Variants in EVI5 observed in about 807,000 individuals in gnomAD.
The protein encoded by EVI5 is ecotropic viral integration site 5, also known as ecotropic viral integration site 5 protein homolog.
In EVI5, 73 loss-of-function variants were observed where a neutral mutation model predicts 112.0. The ratio of observed to expected loss-of-function variants is 0.65; its 90% CI spans 0.54 to 0.79. The LOEUF is 0.79. Among genes scored for constraint, EVI5 ranks in the 30% least tolerant of loss-of-function variants. The pLI is 0.00. For synonymous variants in EVI5, 305 were observed against 319.9 expected, an observed-to-expected ratio of 0.95 and a Z score of 0.50; for missense variants, 900 against 968.8, an observed-to-expected ratio of 0.93 and a Z score of 0.94.
At chr1:92,537,105 C>T (rs1404276564) in intron 19 of EVI5, among the ~76,000 whole-genome samples, 2 of 152,038 alleles carry the variant, frequency 1.3e-5, no homozygotes, top group African/African-American at 2.4e-5. Context: ...TTTTGAAAGA[C>T]AATCAATCCA....
intron 13 of EVI5, among the ~76,000 whole-genome samples, chr1:92,637,263 C>T (rs896012772): frequency 9.2e-5 from 14 of 151,868 alleles, no homozygotes; most frequent in Admixed American, 6.6e-5. Context: ...CTGTAATCCC[C>T]GCTACTAGGG....
At chr1:92,692,240 A>G (rs542215005) in intron 9 of EVI5, among the ~76,000 whole-genome samples, 3 of 152,368 alleles carry the variant, frequency 2.0e-5, no homozygotes, top group East Asian at 3.9e-4. Context: ...GATTGTACAT[A>G]TGACAAGATC....
At chr1:92,757,967 C>T (rs1418626420) in intron 1 of EVI5, among the ~76,000 whole-genome samples, 1 of 145,492 alleles carries the variant, frequency 6.9e-6, no homozygotes, top group Non-Finnish European at 1.5e-5. Flanking sequence ...CTGGTAATAA[C>T]CACAATGTTC....
intron 5 of EVI5, among the ~76,000 whole-genome samples, chr1:92,700,630 T>G (rs1023722796): frequency 1.3e-5 from 2 of 152,146 alleles, no homozygotes; most frequent in African/African-American, 4.8e-5. Flanking sequence ...TCCTAGAGGA[T>G]TCACAGGATC....
intron 18 of EVI5, among the ~76,000 whole-genome samples, chr1:92,586,730 T>C (rs932782632): frequency 2.7e-5 from 4 of 150,786 alleles, no homozygotes; most frequent in African/African-American, 9.7e-5. Context: ...GAATCAGCCA[T>C]TTCTTTTTTT....
At chr1:92,679,437 T>C (rs1294381845) in intron 9 of EVI5, among the ~76,000 whole-genome samples, 2 of 152,200 alleles carry the variant, frequency 1.3e-5, no homozygotes, top group African/African-American at 2.4e-5. Flanking sequence ...CTGAAGTAGT[T>C]ATCATTATGC....
chr1:92,780,494 T>G (rs940453307), intron 1 of EVI5, among the ~76,000 whole-genome samples: 1 of 152,162 alleles, frequency 6.6e-6, no homozygotes, highest in Non-Finnish European at 1.5e-5. Context: ...TTACCACATA[T>G]CAAAGCTTAT....
intron 1 of EVI5, among the ~76,000 whole-genome samples, chr1:92,744,550 T>C (rs973730463): frequency 6.6e-5 from 10 of 151,888 alleles, no homozygotes; most frequent in Non-Finnish European, 2.9e-5. Flanking sequence ...CTTCTTAAGT[T>C]TGCTTTGTTT....
intron 1 of EVI5, among the ~76,000 whole-genome samples, chr1:92,751,060 G>A (rs1440147408): frequency 1.3e-5 from 2 of 152,152 alleles, no homozygotes; most frequent in Admixed American, 6.5e-5. Context: ...TGAGGCAGGA[G>A]AATGGCATGA....
intron 1 of EVI5, among the ~76,000 whole-genome samples, chr1:92,768,972 C>CA (rs1320315174): frequency 6.6e-6 from 1 of 152,146 alleles, no homozygotes; most frequent in African/African-American, 2.4e-5. Flanking sequence ...TAAGCAACTA[C>CA]AAAAAATGTT....
At chr1:92,590,810 G>C (rs1178596500) in intron 18 of EVI5, among the ~76,000 whole-genome samples, 15 of 152,158 alleles carry the variant, frequency 9.9e-5, no homozygotes, top group Non-Finnish European at 1.8e-4. Flanking sequence ...ACACGTAATT[G>C]TCAGATTCAT....
At position 92,703,484 on chromosome 1, in the gene EVI5, G is replaced by A. The variant is rs768372318; in HGVS notation, c.475C>T (p.Arg159Ter). ...KMTSPCEKLI[R>*]RDIARTYPEH... The stretch of plus-strand genomic sequence containing the variant: ...GGGTAAGTTCTAGCAATGTCCCTTC[G>A]GATCAATTTTTCACAAGGCGAGGTC... The change falls in exon 4 of 20, where the codon CGA becomes TGA. Residue 159 changes from arginine to a stop codon, truncating the protein, a stop_gained. Coordinates refer to ENST00000684568, the MANE Select transcript of EVI5 (RefSeq NM_001350197.2). LOFTEE classifies it high-confidence loss of function. 4.4e-6 allele frequency: 7 copies of A among 1,600,740 alleles called. No homozygotes were observed. Among genetic ancestry groups the A allele is most frequent in the East Asian group, 2.2e-5 (1 of 44,538 alleles).
rs557590441 is a variant in EVI5 at position 92,592,166 on chromosome 1, C to T, written c.2070+13141G>A. ...GCTGAGGCAGGAGAACGGCGTGAACCCAGGAGGCAGAGCTTGCAGTGAGCC... is the reference window on the plus strand; with the variant it reads ...GCTGAGGCAGGAGAACGGCGTGAACTCAGGAGGCAGAGCTTGCAGTGAGCC... On this transcript the variant is annotated intron_variant, in intron 18 of 19. Coordinates refer to ENST00000684568, the MANE Select transcript of EVI5 (RefSeq NM_001350197.2). 1.8e-3 allele frequency among the ~76,000 whole-genome samples: 267 copies of T among 152,210 alleles called. 1 individual carries two copies. Among genetic ancestry groups the T allele is most frequent in the African/African-American group, 5.9e-3 (243 of 41,534 alleles).
At chr1:92,582,169 G>C (rs549555556) in intron 18 of EVI5, among the ~76,000 whole-genome samples, 1 of 152,278 alleles carries the variant, frequency 6.6e-6, no homozygotes, top group East Asian at 1.9e-4. Flanking sequence ...AATACTGTAG[G>C]CAACTGTAAC....
chr1:92,724,246 C>A (rs1006798562), intron 2 of EVI5, among the ~76,000 whole-genome samples: 10 of 151,986 alleles, frequency 6.6e-5, no homozygotes, highest in African/African-American at 2.4e-4. Flanking sequence ...TGTGATGACA[C>A]CCCCTGAGGC....
intron 18 of EVI5, among the ~76,000 whole-genome samples, chr1:92,564,081 G>A (rs1333871652): frequency 1.3e-5 from 2 of 152,152 alleles, no homozygotes; most frequent in Middle Eastern, 3.4e-3. Context: ...GTGCCACCAC[G>A]CCTGGCTAAT....
intron 16 of EVI5, among the ~76,000 whole-genome samples, chr1:92,614,869 T>C (rs1300044077): frequency 2.1e-3 from 21 of 9,804 alleles, no homozygotes; most frequent in African/African-American, 0.012. Flanking sequence ...TATATATATA[T>C]ATATATATAT....
chr1:92,601,259 A>C (rs148903669), intron 18 of EVI5, among the ~76,000 whole-genome samples: 2 of 152,338 alleles, frequency 1.3e-5, no homozygotes, highest in Non-Finnish European at 2.9e-5. Flanking sequence ...AGTGCTGGAG[A>C]GGATGTGGTG....
chr1:92,667,056 G>C (rs1356382029), intron 10 of EVI5, among the ~76,000 whole-genome samples: 1 of 152,194 alleles, frequency 6.6e-6, no homozygotes, highest in African/African-American at 2.4e-5. Flanking sequence ...GGGAGACCAG[G>C]CAGGTGGATC....
Sources: allele counts gnomAD v4.1 joint callset (sites outside exome capture counted in the v4.1 genomes callset), GRCh38; gene constraint gnomAD v4.1.1; transcripts MANE v1.5; gene names NCBI Gene and HGNC (gene_info 2026-07-23, HGNC 2026-07-21).